Variants in ANK3 observed in about 807,000 individuals in gnomAD.
ANK3 encodes the protein ankyrin 3, also known as ankyrin-3.
In ANK3, 57 loss-of-function variants were observed where a neutral mutation model predicts 370.9. The observed-to-expected ratio is 0.15, with a 90% CI of 0.12 to 0.19. The LOEUF (loss-of-function observed/expected upper bound fraction) is 0.19, where lower values mean the gene tolerates loss of function less well. Among genes scored for constraint, ANK3 ranks in the 10% least tolerant of loss-of-function variants. The pLI is 1.00. For missense variants in ANK3, 4,439 were observed against 5,302.1 expected (o/e 0.84, Z 5.06); for synonymous variants, 1,929 against 1,946.3 (o/e 0.99, Z 0.23).
At chr10:60,212,238 A>C (rs1244767197) in intron 9 of ANK3, among the ~76,000 whole-genome samples, 1 of 152,136 alleles carries the variant, frequency 6.6e-6, no homozygotes, top group Non-Finnish European at 1.5e-5. Context: ...GAAAGAGAAC[A>C]ATGGGGATTA....
intron 23 of ANK3, chr10:60,140,334 A>G (rs2094507632): frequency 6.2e-7 from 1 of 1,613,320 alleles, no homozygotes. Flanking sequence ...CACACCAAGT[A>G]CAACTCAAAG....
At chr10:60,042,268 G>A (rs79169228) in intron 43 of ANK3, among the ~76,000 whole-genome samples, 2,423 of 152,254 alleles carry the variant, frequency 0.016, 58 homozygotes, top group African/African-American at 0.056. Flanking sequence ...CTCAGATGCC[G>A]TTCTGCTAAA....
intron 1 of ANK3, among the ~76,000 whole-genome samples, chr10:60,672,323 G>A (rs1373221573): frequency 6.6e-6 from 1 of 152,152 alleles, no homozygotes; most frequent in Middle Eastern, 3.2e-3. Context: ...CTCTTAGAGG[G>A]CCACTAAATG....
At chr10:60,139,751 C>T (rs2094488278) in intron 23 of ANK3, 1 of 153,048 alleles carries the variant, frequency 6.5e-6, no homozygotes, top group Non-Finnish European at 1.5e-5. Flanking sequence ...GGTGCTTTAG[C>T]ACTTTGAAAG....
chr10:60,619,514 A>G (rs901444496), intron 1 of ANK3, among the ~76,000 whole-genome samples: 4 of 152,192 alleles, frequency 2.6e-5, no homozygotes, highest in African/African-American at 9.6e-5. Context: ...AGGCCAGGCC[A>G]TATATTCAGG....
At chr10:60,179,609 T>C (rs1250165799) in intron 18 of ANK3, among the ~76,000 whole-genome samples, 1 of 151,904 alleles carries the variant, frequency 6.6e-6, no homozygotes, top group Non-Finnish European at 1.5e-5. Flanking sequence ...GTGGGATTGC[T>C]TGAATCCGGG....
intron 25 of ANK3, among the ~76,000 whole-genome samples, chr10:60,127,814 C>G (rs2132160466): frequency 6.6e-6 from 1 of 150,598 alleles, no homozygotes; most frequent in East Asian, 2.0e-4. Flanking sequence ...TTTCCTGCTT[C>G]AGCCTCCCAA....
chr10:60,543,403 AT>A (rs1170464122), intron 2 of ANK3, among the ~76,000 whole-genome samples: 1 of 152,094 alleles, frequency 6.6e-6, no homozygotes, highest in African/African-American at 2.4e-5. Context: ...AGTGACCCAA[AT>A]GTCTATTAAT....
At chr10:60,308,931 C>CA (rs2045776044) in intron 1 of ANK3, among the ~76,000 whole-genome samples, 1 of 152,246 alleles carries the variant, frequency 6.6e-6, no homozygotes, top group South Asian at 2.1e-4. Flanking sequence ...CCACTGAGTT[C>CA]ATAGCTTCCT....
At chr10:60,530,216 A>G (rs955002625) in intron 2 of ANK3, among the ~76,000 whole-genome samples, 1 of 152,184 alleles carries the variant, frequency 6.6e-6, no homozygotes, top group Non-Finnish European at 1.5e-5. Flanking sequence ...TATTTAAGTC[A>G]GTCCATGAAA....
intron 42 of ANK3, among the ~76,000 whole-genome samples, chr10:60,046,241 C>G (rs2076940711): frequency 6.6e-6 from 1 of 151,542 alleles, no homozygotes; most frequent in Admixed American, 6.6e-5. Flanking sequence ...GGAGAAAACC[C>G]AAAATTTTAT....
At chr10:60,660,647 G>A (rs10994465) in intron 1 of ANK3, among the ~76,000 whole-genome samples, 17,423 of 152,030 alleles carry the variant, frequency 0.11, 1,462 homozygotes, top group East Asian at 0.27. Flanking sequence ...GCAGAAATGC[G>A]ATGGAATAGG....
At chr10:60,286,831 C>T (rs1566271817) in intron 1 of ANK3, among the ~76,000 whole-genome samples, 2 of 152,304 alleles carry the variant, frequency 1.3e-5, no homozygotes, top group East Asian at 3.9e-4. Flanking sequence ...CCTAGAGGCA[C>T]TATCAACCCA....
At chr10:60,648,489 G>A (rs936085236) in intron 1 of ANK3, among the ~76,000 whole-genome samples, 12 of 147,362 alleles carry the variant, frequency 8.1e-5, no homozygotes, top group South Asian at 6.7e-4. Context: ...TTGTTGGGAG[G>A]GCTGGGCATA....
chr10:60,244,351 G>T (rs2097522097), intron 7 of ANK3, among the ~76,000 whole-genome samples: 1 of 152,158 alleles, frequency 6.6e-6, no homozygotes. Context: ...TTAAGTGGAT[G>T]ATATCACTCA....
intron 2 of ANK3, among the ~76,000 whole-genome samples, chr10:60,518,611 G>T (rs139453799): frequency 2.3e-4 from 35 of 152,250 alleles, no homozygotes; most frequent in African/African-American, 8.4e-4. Context: ...AAGCGTAGCT[G>T]ACTACTAGAC....
chr10:60,046,808 A>ATTT (rs10632318), intron 42 of ANK3, among the ~76,000 whole-genome samples: 22,504 of 138,604 alleles, frequency 0.16, 2,513 homozygotes, highest in East Asian at 0.57. Context: ...AGTAATCTCA[A>ATTT]TTTTTTTTTT....
chr10:60,186,456 T>C (rs2096335840), intron 17 of ANK3, among the ~76,000 whole-genome samples: 1 of 151,822 alleles, frequency 6.6e-6, no homozygotes, highest in African/African-American at 2.4e-5. Context: ...GCTCGAGCAG[T>C]CTACCCGCCT....
chr10:60,164,347 A>T (rs2095567963), intron 23 of ANK3, among the ~76,000 whole-genome samples: 1 of 152,140 alleles, frequency 6.6e-6, no homozygotes, highest in African/African-American at 2.4e-5. Flanking sequence ...TAGTCCTGCT[A>T]TACTCTGCTT....
Sources: allele counts gnomAD v4.1 joint callset (sites outside exome capture counted in the v4.1 genomes callset), GRCh38; gene constraint gnomAD v4.1.1; transcripts MANE v1.5; gene names NCBI Gene and HGNC (gene_info 2026-07-23, HGNC 2026-07-21).